The following RBBP5 variants were observed in gnomAD, a reference collection of about 807,000 sequenced individuals.
The protein encoded by RBBP5 is RB binding protein 5, histone lysine methyltransferase complex subunit.
Under a neutral mutation model 72.2 loss-of-function variants are expected in RBBP5, and 5 were observed. That is an observed-to-expected ratio of 0.07 (90% CI 0.04 to 0.15). RBBP5 has a LOEUF of 0.15. Among genes scored for constraint, RBBP5 ranks in the 10% least tolerant of loss-of-function variants. The pLI is 1.00. For missense variants in RBBP5, 322 were observed against 652.2 expected (o/e 0.49, Z 5.51); for synonymous variants, 209 against 237.2 (o/e 0.88, Z 1.09).
Position 205,093,519 on chromosome 1 carries a change from TATATATATATATATACACAC to T in RBBP5, c.1588+1334_1588+1353del, listed in dbSNP as rs1409141413. Among the ~76,000 whole-genome samples, 21 of 19,206 alleles carry T rather than the reference TATATATATATATATACACAC, an allele frequency of 1.1e-3. 1 individual carries two copies. Among genetic ancestry groups the T allele is most frequent in the African/African-American group, 7.6e-3 (19 of 2,498 alleles). The allele number at this position is 19,206 out of a possible 152,430, so 12.6% of individuals were successfully genotyped here. A position where few individuals can be genotyped will look rare whatever the true frequency, so the allele number is the denominator to read the frequency against. ...ATATATATATATATATATATATATATATATATATATATATACACACACACACACACACACACACACACACA... is the reference window on the plus strand; with the variant it reads ...ATATATATATATATATATATATATATACACACACACACACACACACACACA... On this transcript the variant is annotated intron_variant, in intron 13 of 13. Coordinates refer to ENST00000264515, the MANE Select transcript of RBBP5 (RefSeq NM_005057.4).
At chr1:205,116,049 C>A in intron 1 of RBBP5, 166 bp from the exon 2 acceptor site, 1 of 1,377,670 alleles carries the variant, frequency 7.3e-7, no homozygotes. Flanking sequence ...GCTAAGATGA[C>A]TTGTTTACTC....
At chr1:205,100,490 A>G (rs1170421899) in intron 6 of RBBP5, among the ~76,000 whole-genome samples, 1 of 152,224 alleles carries the variant, frequency 6.6e-6, no homozygotes, top group Non-Finnish European at 1.5e-5. Flanking sequence ...ACAAATTGTC[A>G]GCATTAACTA....
intron 1 of RBBP5, among the ~76,000 whole-genome samples, chr1:205,118,063 G>A (rs1656596060): frequency 6.6e-6 from 1 of 151,870 alleles, no homozygotes; most frequent in African/African-American, 2.4e-5. Context: ...ACCCACTCTG[G>A]CCTCCCAAAG....
In RBBP5 at chr1:205,093,482, ATATATATATATATAT is replaced by A. The variant is rs1655460726; in HGVS notation, c.1588+1376_1588+1390del. Among the ~76,000 whole-genome samples the A allele has an allele frequency of 1.2e-3, 7 of 5,846 alleles. 1 individual carries two copies. Among genetic ancestry groups the A allele is most frequent in the African/African-American group, 1.5e-3 (5 of 3,354 alleles). The allele number at this position is 5,846 out of a possible 152,430, so 3.8% of individuals were successfully genotyped here. A position where few individuals can be genotyped will look rare whatever the true frequency, so the allele number is the denominator to read the frequency against. Reference sequence around the variant, plus strand: ...TCAAAAAAAAAAAAAAAAAAAAAATATATATATATATATATATATATATATATATATATATATATA... The same window carrying A: ...TCAAAAAAAAAAAAAAAAAAAAAATAATATATATATATATATATATATATA... On this transcript the variant is annotated intron_variant, in intron 13 of 13. Coordinates refer to ENST00000264515, the MANE Select transcript of RBBP5 (RefSeq NM_005057.4).
chr1:205,109,612 A>G (rs1325511171), intron 3 of RBBP5, among the ~76,000 whole-genome samples: 1 of 152,160 alleles, frequency 6.6e-6, no homozygotes, highest in African/African-American at 2.4e-5. Context: ...CTACTGCACT[A>G]TAATTTTTGT....
At chr1:205,115,241 G>A (rs1346168930) in intron 2 of RBBP5, among the ~76,000 whole-genome samples, 1 of 152,032 alleles carries the variant, frequency 6.6e-6, no homozygotes, top group African/African-American at 2.4e-5. Flanking sequence ...AAATATAACA[G>A]AAGTATTTAA....
chr1:205,115,400 T>G (rs1656481233), intron 2 of RBBP5, among the ~76,000 whole-genome samples: 1 of 152,166 alleles, frequency 6.6e-6, no homozygotes, highest in Non-Finnish European at 1.5e-5. Flanking sequence ...TGCATAACAT[T>G]AGAGAAGTCA....
chr1:205,103,906 G>T lies in RBBP5; in HGVS notation c.473C>A (p.Ser158Tyr), dbSNP rs749731332. The T allele has an allele frequency of 3.1e-6, 5 of 1,613,960 alleles. No homozygotes were observed. In the African/African-American group the frequency reaches 6.7e-5, roughly 22 times the overall value. The stretch of plus-strand genomic sequence containing the variant: ...AATATATTCCCCTCGCCTATCAAAA[G>T]ATGCCACAACGTTCAAATCGGAGTC... ...DDDSDLNVVA[S>Y]FDRRGEYIYT... Residue 158 changes from serine (S) to tyrosine (Y), a missense_variant, in exon 5 of 14, where the codon TCT becomes TAT. Physicochemically the swap from Ser to Tyr is moderately radical, Grantham distance 144. Transcript: ENST00000264515.
chr1:205,105,684 C>A (rs111346829), intron 3 of RBBP5, among the ~76,000 whole-genome samples: 11 of 152,254 alleles, frequency 7.2e-5, no homozygotes, highest in African/African-American at 2.2e-4. Context: ...GACAGGCAAG[C>A]CAGAGACTGT....
chr1:205,112,965 A>T (rs544325789), intron 3 of RBBP5, among the ~76,000 whole-genome samples: 144 of 152,136 alleles, frequency 9.5e-4, no homozygotes, highest in Non-Finnish European at 1.6e-3. Flanking sequence ...TCTATAAAAA[A>T]TTTTTTAAAA....
Position 205,088,736 on chromosome 1 carries a change from C to T in RBBP5, c.*51G>A. The T allele has an allele frequency of 6.5e-7, 1 of 1,542,740 alleles. No individual in the cohort carries two copies. The highest frequency in any genetic ancestry group is 8.9e-7 in the Non-Finnish European group (1 of 1,122,140). On this transcript the variant is annotated 3_prime_UTR_variant, in exon 14 of 14. Coordinates refer to ENST00000264515, the MANE Select transcript of RBBP5 (RefSeq NM_005057.4). The stretch of plus-strand genomic sequence containing the variant: ...TTTTCAAATGACTGACCACAGTGTC[C>T]AGAGGCCACATGATGGCAAAGTGAG...
intron 3 of RBBP5, among the ~76,000 whole-genome samples, chr1:205,109,029 A>T (rs1363013402): frequency 1.3e-5 from 2 of 152,202 alleles, no homozygotes; most frequent in African/African-American, 2.4e-5. Context: ...GACTCTAGGA[A>T]CAGAGGAAGG....
Position 205,099,253 on chromosome 1 carries a change from A to G in RBBP5, c.979-147T>C. 1.9e-6 allele frequency: 1 copy of G among 517,548 alleles called. No homozygotes were observed. 32.1% of individuals were successfully genotyped at this position (517,548 alleles called of 1,614,324 possible). A position where few individuals can be genotyped will look rare whatever the true frequency, so the allele number is the denominator to read the frequency against. On this transcript the variant is annotated intron_variant, in intron 9 of 13. Transcript: ENST00000264515. The surrounding 1 kb of genome is among the most constrained non-coding windows in gnomAD (Gnocchi z 4.7). ...AGACAAGAAAAAAATGGGTATCTGT[A>G]AGTTTTACTAGCTTAGGTATTTTCT...
At chr1:205,101,090 G>C (rs1187066161) in intron 6 of RBBP5, among the ~76,000 whole-genome samples, 2 of 152,166 alleles carry the variant, frequency 1.3e-5, no homozygotes, top group Non-Finnish European at 2.9e-5. Context: ...CTGTGGCCTG[G>C]GGGTTGGGGA....
rs917991502 is a variant in RBBP5, at chr1:205,086,630, T to C, written c.*2157A>G. On this transcript the variant is annotated 3_prime_UTR_variant, in exon 14 of 14. Coordinates refer to ENST00000264515, the MANE Select transcript of RBBP5 (RefSeq NM_005057.4). ...TACATATATTGTACAAATCAAATAA[T>C]TCAAATTGAAATGGATAGAAGGTTT... 9.9e-5 allele frequency: 15 copies of C among 152,012 alleles called. No homozygotes were observed. Among genetic ancestry groups the C allele is most frequent in the African/African-American group, 3.1e-4 (13 of 41,380 alleles). 9.4% of individuals were successfully genotyped at this position (152,012 alleles called of 1,614,324 possible). A position where few individuals can be genotyped will look rare whatever the true frequency, so the allele number is the denominator to read the frequency against.
At chr1:205,102,171 C>T (rs1655857288) in intron 5 of RBBP5, among the ~76,000 whole-genome samples, 1 of 152,186 alleles carries the variant, frequency 6.6e-6, no homozygotes, top group South Asian at 2.1e-4. Flanking sequence ...GCTGGGATTA[C>T]AGGCATTCAC....
At chr1:205,100,792 T>A (rs995969616) in intron 6 of RBBP5, among the ~76,000 whole-genome samples, 1 of 152,182 alleles carries the variant, frequency 6.6e-6, no homozygotes, top group Non-Finnish European at 1.5e-5. Context: ...AAGTCAGCTG[T>A]CCCCAACATT....
At chr1:205,121,765 C>T in intron 1 of RBBP5, 90 bp downstream of exon 1, 2 of 1,590,664 alleles carry the variant, frequency 1.3e-6, no homozygotes, top group Non-Finnish European at 1.7e-6. Flanking sequence ...AACAGTGTCC[C>T]TAAGATTGCA....
At chr1:205,121,389 G>A (rs1656731228) in intron 1 of RBBP5, among the ~76,000 whole-genome samples, 2 of 152,150 alleles carry the variant, frequency 1.3e-5, no homozygotes, top group African/African-American at 4.8e-5. Flanking sequence ...TACCCTCTGA[G>A]CCTTTATTCA....
Sources: allele counts gnomAD v4.1 joint callset (sites outside exome capture counted in the v4.1 genomes callset), GRCh38; gene constraint gnomAD v4.1.1; non-coding constraint Gnocchi (gnomAD v3.1); transcripts MANE v1.5; gene names NCBI Gene and HGNC (gene_info 2026-07-23, HGNC 2026-07-21).